The following PLEKHO2 variants were observed in gnomAD, a reference collection of about 807,000 sequenced individuals.
PLEKHO2 encodes the protein pleckstrin homology domain-containing family O member 2.
A neutral mutation model predicts 32.7 loss-of-function variants in PLEKHO2; 20 were observed. The ratio of observed to expected loss-of-function variants is 0.61; its 90% CI spans 0.43 to 0.89. PLEKHO2 has a LOEUF of 0.89. PLEKHO2 is among the 40% of genes least tolerant of loss of function. The pLI, the probability that PLEKHO2 is intolerant of heterozygous loss-of-function variation, is 0.00. For synonymous variants in PLEKHO2, 247 were observed against 246.3 expected (o/e 1.00, Z -0.03); for missense variants, 568 against 621.2 (o/e 0.91, Z 0.91).
chr15:64,858,821 G>A (rs770115949), intron 3 of PLEKHO2, among the ~76,000 whole-genome samples: 9 of 152,012 alleles, frequency 5.9e-5, no homozygotes, highest in Non-Finnish European at 1.2e-4. Context: ...ACAATTCAGC[G>A]GCATTAAATA....
At chr15:64,851,440 T>C (rs1273228575) in intron 2 of PLEKHO2, among the ~76,000 whole-genome samples, 1 of 152,180 alleles carries the variant, frequency 6.6e-6, no homozygotes, top group Non-Finnish European at 1.5e-5. Flanking sequence ...ATCTAAATCA[T>C]GCTTTTTTCC....
chr15:64,850,779 A>T (rs993814945), intron 2 of PLEKHO2, among the ~76,000 whole-genome samples: 2 of 152,228 alleles, frequency 1.3e-5, no homozygotes, highest in Non-Finnish European at 2.9e-5. Context: ...CTAAGAGTCA[A>T]TTAAGATGTA....
chr15:64,865,152 A>C lies in PLEKHO2; in HGVS notation c.737A>C (p.Glu246Ala). 6.2e-7 allele frequency: 1 copy of C among 1,614,116 alleles called. No homozygotes were observed. Among genetic ancestry groups the C allele is most frequent in the Non-Finnish European group, 8.5e-7 (1 of 1,179,998 alleles). Residue 246 changes from glutamate (E) to alanine (A), a missense_variant, in exon 6 of 6, where the codon GAG (glutamate) becomes GCG (alanine). Physicochemically the swap from Glu to Ala is moderately radical, Grantham distance 107. Coordinates refer to ENST00000323544, the MANE Select transcript of PLEKHO2 (RefSeq NM_025201.5). ...ASSEVSPESQ[E>A]DSETPAEEDS... ...TCTGAGGTCTCCCCTGAGAGCCAAG[A>C]GGACTCAGAGACCCCAGCAGAGGAG...
At chr15:64,861,631 C>A (rs2084642578) in intron 5 of PLEKHO2, 56 bp downstream of exon 5, 2 of 1,405,474 alleles carry the variant, frequency 1.4e-6, no homozygotes, top group Non-Finnish European at 1.9e-6. Context: ...ACCTCAGCTC[C>A]TCTGGGCGGC....
intron 5 of PLEKHO2, 91 bp downstream of exon 5, chr15:64,861,666 C>G: frequency 9.9e-7 from 1 of 1,005,710 alleles, no homozygotes; most frequent in South Asian, 1.7e-5. Context: ...CCACATTTTT[C>G]CTGAGGACAC....
intron 3 of PLEKHO2, 55 bp from the exon 4 acceptor site, chr15:64,859,839 C>A: frequency 2.0e-6 from 3 of 1,486,470 alleles, no homozygotes; most frequent in Non-Finnish European, 2.8e-6. Flanking sequence ...CCTTAAGATG[C>A]CAAATGTGAG....
Position 64,860,013 on chromosome 15 carries a change from G to A in PLEKHO2, c.384+15G>A. The A allele has an allele frequency of 6.2e-7, 1 of 1,605,394 alleles. No individual in the cohort carries two copies. Among genetic ancestry groups the A allele is most frequent in the Non-Finnish European group, 8.5e-7 (1 of 1,172,018 alleles). On this transcript the variant is annotated intron_variant, in intron 4 of 5. Transcript: ENST00000323544. ...CTTTCGATGAGGTGCGATGCAGTCT[G>A]TGGACATGGACAGCTCTGTGTCTCC...
In PLEKHO2 at chr15:64,864,955, T is replaced by C. The variant is rs139170770; in HGVS notation, c.540T>C (p.Ser180=). The C allele has an allele frequency of 8.1e-5, 131 of 1,614,078 alleles. No individual in the cohort carries two copies. The African/African-American group carries it at 1.7e-3, about 21-fold the overall frequency. Residue 180 remains serine (S), a synonymous_variant, in exon 6 of 6, where the codon AGT becomes AGC. Coordinates refer to ENST00000323544, the MANE Select transcript of PLEKHO2 (RefSeq NM_025201.5). ...LLRLDLDVPD[S]GPPVFAPSNH... is the part of the protein sequence containing the mutation. ...GCCTGGATCTTGATGTTCCGGACAG[T>C]GGGCCACCAGTGTTTGCCCCCAGCA...
intron 4 of PLEKHO2, 144 bp downstream of exon 4, chr15:64,860,142 C>A (rs2084632345): frequency 1.5e-6 from 1 of 680,112 alleles, no homozygotes; most frequent in Non-Finnish European, 2.6e-6. Context: ...CTTCTATAGT[C>A]CTCACTACAG....
intron 2 of PLEKHO2, among the ~76,000 whole-genome samples, chr15:64,849,381 C>T (rs542797713): frequency 2.9e-4 from 44 of 151,754 alleles, no homozygotes; most frequent in African/African-American, 9.7e-4. Context: ...CTCTTGACCT[C>T]GTGATCCACC....
At chr15:64,861,626 A>G in intron 5 of PLEKHO2, 51 bp downstream of exon 5, 1 of 1,449,236 alleles carries the variant, frequency 6.9e-7, no homozygotes. Flanking sequence ...CTAGGACCTC[A>G]GCTCCTCTGG....
chr15:64,863,127 G>A (rs536798870), intron 5 of PLEKHO2, among the ~76,000 whole-genome samples: 2 of 151,948 alleles, frequency 1.3e-5, no homozygotes, highest in Non-Finnish European at 2.9e-5. Flanking sequence ...TAGTAGAGAC[G>A]AGGTTTCACC....
At chr15:64,848,286 G>C (rs1203897035) in intron 1 of PLEKHO2, among the ~76,000 whole-genome samples, 2 of 152,210 alleles carry the variant, frequency 1.3e-5, no homozygotes, top group Non-Finnish European at 2.9e-5. Flanking sequence ...TCCATTCTGA[G>C]CTTTAGTTTG....
intron 5 of PLEKHO2, among the ~76,000 whole-genome samples, chr15:64,863,945 G>A (rs960417744): frequency 1.3e-5 from 2 of 152,160 alleles, no homozygotes; most frequent in Non-Finnish European, 2.9e-5. Flanking sequence ...GTTTCTCCAT[G>A]TTGCTCAGGC....
At chr15:64,863,222 C>T (rs944947870) in intron 5 of PLEKHO2, among the ~76,000 whole-genome samples, 29 of 152,176 alleles carry the variant, frequency 1.9e-4, no homozygotes, top group Admixed American at 3.9e-4. Flanking sequence ...AGGCGTGAGC[C>T]ACCGCGCCTG....
chr15:64,853,730 C>T (rs1416337946), intron 2 of PLEKHO2, among the ~76,000 whole-genome samples: 1 of 152,174 alleles, frequency 6.6e-6, no homozygotes, highest in East Asian at 1.9e-4. Flanking sequence ...AGGGCCCTGG[C>T]CTGGGAGTCA....
At chr15:64,843,372 G>A (rs1421150467) in intron 1 of PLEKHO2, among the ~76,000 whole-genome samples, 1 of 152,200 alleles carries the variant, frequency 6.6e-6, no homozygotes, top group Non-Finnish European at 1.5e-5. Flanking sequence ...GTTAGGTGGG[G>A]CTGCCATCTG....
intron 5 of PLEKHO2, among the ~76,000 whole-genome samples, chr15:64,862,277 A>C (rs2084646877): frequency 6.6e-6 from 1 of 151,820 alleles, no homozygotes; most frequent in African/African-American, 2.4e-5. Context: ...AGGGAAAGGC[A>C]GGGGCCAGGA....
rs540850058 is a variant in PLEKHO2, at chr15:64,853,279, C to CTT, written c.163-1628_163-1627dup. 6.6e-4 allele frequency among the ~76,000 whole-genome samples: 89 copies of CTT among 134,744 alleles called. 3 individuals are homozygous for CTT. Among genetic ancestry groups the CTT allele is most frequent in the African/African-American group, 2.1e-3 (74 of 34,762 alleles). The allele number at this position is 134,744 out of a possible 152,430, so 88.4% of individuals were successfully genotyped here. A position where few individuals can be genotyped will look rare whatever the true frequency, so the allele number is the denominator to read the frequency against. ...GGGGTTTGCATTTCTTTTTCTTTTT[C>CTT]TTTTTTTTTTTTTTTGAGACAGAGT... is the stretch of plus-strand genomic sequence containing the variant. On this transcript the variant is annotated intron_variant, in intron 2 of 5. Coordinates refer to ENST00000323544, the MANE Select transcript of PLEKHO2 (RefSeq NM_025201.5).
Sources: allele counts gnomAD v4.1 joint callset (sites outside exome capture counted in the v4.1 genomes callset), GRCh38; gene constraint gnomAD v4.1.1; transcripts MANE v1.5; gene names NCBI Gene and HGNC (gene_info 2026-07-23, HGNC 2026-07-21).